Variants in MAGEC3 observed in about 807,000 individuals in gnomAD.
The protein encoded by MAGEC3 is MAGE family member C3, also known as melanoma-associated antigen C3.
Under a neutral mutation model 35.3 loss-of-function variants are expected in MAGEC3, and 34 were observed. The ratio of observed to expected loss-of-function variants is 0.96; its 90% CI spans 0.73 to 1.28. The LOEUF is 1.28. Among genes scored for constraint, MAGEC3 ranks in the 50% most tolerant of loss-of-function variants. The pLI is 0.00. For missense variants in MAGEC3, 561 were observed against 483.6 expected (o/e 1.16, Z -1.50); for synonymous variants, 202 against 185.6 (o/e 1.09, Z -0.72).
At chrX:141,844,094 G>A (rs748859724) in intron 1 of MAGEC3, among the ~76,000 whole-genome samples, 4 of 110,625 alleles carry the variant, frequency 3.6e-5, no homozygotes, top group African/African-American at 6.6e-5. Flanking sequence ...TTTTCCGTCC[G>A]ATATCATGTT....
intron 2 of MAGEC3, among the ~76,000 whole-genome samples, chrX:141,875,701 T>C (rs1472654573): frequency 8.9e-6 from 1 of 112,032 alleles, no homozygotes; most frequent in Admixed American, 9.5e-5. Flanking sequence ...CCATTTTCTT[T>C]TTATCATCCA....
At chrX:141,895,947 G>T (rs1007263067) in intron 6 of MAGEC3, among the ~76,000 whole-genome samples, 1 of 111,689 alleles carries the variant, frequency 9.0e-6, no homozygotes, top group African/African-American at 3.2e-5. Flanking sequence ...CTGCCACCTC[G>T]CTACCTCCCG....
chrX:141,874,678 A>C (rs2017909032), intron 2 of MAGEC3, among the ~76,000 whole-genome samples: 1 of 111,436 alleles, frequency 9.0e-6, no homozygotes, highest in Admixed American at 9.5e-5. Context: ...CTAAAATCAA[A>C]ATGCCTGAAA....
intron 5 of MAGEC3, 28 bp from the exon 6 acceptor site, chrX:141,895,457 A>C (rs2018081888): frequency 5.8e-6 from 7 of 1,208,567 alleles, no homozygotes; most frequent in Non-Finnish European, 7.8e-6. Flanking sequence ...GGACAGAAGA[A>C]GCCCCGGTCT....
chrX:141,852,095 T>C (rs2017754073), intron 1 of MAGEC3, among the ~76,000 whole-genome samples: 2 of 108,668 alleles, frequency 1.8e-5, no homozygotes, highest in Non-Finnish European at 1.9e-5. Flanking sequence ...TCCACTTGTT[T>C]AGGTCTTTTT....
intron 4 of MAGEC3, among the ~76,000 whole-genome samples, chrX:141,892,808 C>T (rs1396909790): frequency 9.0e-6 from 1 of 111,415 alleles, no homozygotes; most frequent in African/African-American, 3.3e-5. Flanking sequence ...AGATGCAACA[C>T]TAAAAGTACC....
At position 141,879,451 on chromosome X, in the gene MAGEC3, C is replaced by T. The variant is rs777566144; in HGVS notation, c.515+20C>T. ...GGGGAGGTGGGCAGGGAAATATGGA[C>T]GAGGGCTTTGAAGTGAGGAGGAAAA... On this transcript the variant is annotated intron_variant, in intron 3 of 7. Coordinates refer to ENST00000298296, the MANE Select transcript of MAGEC3 (RefSeq NM_138702.1). 1.3e-5 allele frequency: 15 copies of T among 1,152,252 alleles called. No homozygotes were observed. Among genetic ancestry groups the T allele is most frequent in the Middle Eastern group, 4.8e-4 (2 of 4,125 alleles). The allele number at this position is 1,152,252 out of a possible 1,213,427, so 95.0% of individuals were successfully genotyped here.
At position 141,878,133 on chromosome X, in the gene MAGEC3, C is replaced by T. The variant is rs1413553020; in HGVS notation, c.259-1042C>T. Among the ~76,000 whole-genome samples the T allele has an allele frequency of 8.1e-5, 9 of 111,329 alleles. No individual in the cohort carries two copies. In the Admixed American group the frequency reaches 8.6e-4, roughly 11 times the overall value. ...AAAACATTGACAGTTTTGACAGTTT[C>T]GTATGGTTAGGTATTTTGTAAAATT... is the stretch of plus-strand genomic sequence containing the variant. On this transcript the variant is annotated intron_variant, in intron 2 of 7. Coordinates refer to ENST00000298296, the MANE Select transcript of MAGEC3 (RefSeq NM_138702.1).
intron 4 of MAGEC3, among the ~76,000 whole-genome samples, chrX:141,889,186 C>T (rs2018023527): frequency 8.9e-6 from 1 of 112,012 alleles, no homozygotes; most frequent in African/African-American, 3.3e-5. Flanking sequence ...GTCACAGTTA[C>T]AATGCCAACT....
intron 4 of MAGEC3, among the ~76,000 whole-genome samples, chrX:141,890,822 T>C (rs755550671): frequency 9.0e-6 from 1 of 111,400 alleles, no homozygotes; most frequent in South Asian, 3.8e-4. Context: ...GGTTCATTTG[T>C]AGTTAGATAG....
chrX:141,862,572 T>C (rs1603060872), intron 1 of MAGEC3, among the ~76,000 whole-genome samples: 1 of 112,467 alleles, frequency 8.9e-6, no homozygotes, highest in Non-Finnish European at 1.9e-5. Context: ...GAAAATGTGG[T>C]ATATATCCAC....
At chrX:141,878,721 G>A (rs1468653964) in intron 2 of MAGEC3, among the ~76,000 whole-genome samples, 1 of 111,341 alleles carries the variant, frequency 9.0e-6, no homozygotes, top group Non-Finnish European at 1.9e-5. Context: ...ACAAATCCAG[G>A]CCCTGTTTTC....
At chrX:141,839,009 A>G (rs1288738428) in intron 1 of MAGEC3, 3 of 227,122 alleles carry the variant, frequency 1.3e-5, no homozygotes, top group Non-Finnish European at 1.9e-5. Context: ...CCATCATACA[A>G]TCTCCTGGCA....
intron 1 of MAGEC3, among the ~76,000 whole-genome samples, chrX:141,843,815 A>C (rs1382718127): frequency 3.6e-5 from 4 of 110,793 alleles, no homozygotes; most frequent in East Asian, 5.7e-4. Context: ...AAAAGAGTAT[A>C]TATAAGTGCA....
In MAGEC3 at chrX:141,897,730, T is replaced by C; in HGVS notation, c.1830T>C (p.Asp610=). ...FPSWYMDALK[D]MEDRAQAIID... ...CCTGGTACATGGATGCTTTGAAAGA[T>C]ATGGAAGACAGAGCCCAGGCCATAA... Residue 610 remains aspartate (D), a synonymous_variant, in exon 8 of 8, where the codon GAT becomes GAC. Coordinates refer to ENST00000298296, the MANE Select transcript of MAGEC3 (RefSeq NM_138702.1). The C allele has an allele frequency of 8.3e-7, 1 of 1,211,768 alleles. No individual in the cohort carries two copies. Among genetic ancestry groups the C allele is most frequent in the South Asian group, 1.8e-5 (1 of 56,953 alleles).
chrX:141,859,411 CT>C (rs1418163023), intron 1 of MAGEC3, among the ~76,000 whole-genome samples: 1 of 111,607 alleles, frequency 9.0e-6, no homozygotes, highest in East Asian at 2.8e-4. Flanking sequence ...TTTAGATTTA[CT>C]TTTTTGTGAA....
intron 1 of MAGEC3, among the ~76,000 whole-genome samples, chrX:141,846,221 T>TA (rs397962802): frequency 9.2e-6 from 1 of 108,590 alleles, no homozygotes; most frequent in Non-Finnish European, 1.9e-5. Flanking sequence ...TTTTTTTTTT[T>TA]AAATAAATGT....
At chrX:141,868,234 T>C (rs1252561068) in intron 2 of MAGEC3, among the ~76,000 whole-genome samples, 2 of 112,114 alleles carry the variant, frequency 1.8e-5, no homozygotes, top group Non-Finnish European at 3.8e-5. Flanking sequence ...ATTTTCAGCT[T>C]AAGATTTTTT....
chrX:141,867,720 G>T (rs1433126376), intron 2 of MAGEC3, among the ~76,000 whole-genome samples: 2 of 109,575 alleles, frequency 1.8e-5, no homozygotes, highest in African/African-American at 6.5e-5. Flanking sequence ...TACCTTGAGG[G>T]TGTTACAGTA....
Sources: gnomAD v4.1 joint callset for allele counts (sites outside exome capture counted in the v4.1 genomes callset) on GRCh38, gnomAD v4.1.1 for gene constraint, MANE v1.5 for transcripts, NCBI Gene and HGNC (gene_info 2026-07-23, HGNC 2026-07-21) for gene names.